SHLD1: variants seen among roughly 807,000 people sequenced by gnomAD.
SHLD1 encodes RINN1-REV7-interacting novel NHEJ regulator 3.
A neutral mutation model predicts 5.5 loss-of-function variants in SHLD1; 3 were observed. The ratio of observed to expected loss-of-function variants is 0.54; its 90% CI spans 0.25 to 1.40. The LOEUF (loss-of-function observed/expected upper bound fraction) is 1.40, where lower values mean the gene tolerates loss of function less well. Among genes scored for constraint, SHLD1 ranks in the 40% most tolerant of loss-of-function variants. The probability of loss-of-function intolerance (pLI) is 0.15; values close to 1 mark genes in which losing one functional copy is unlikely to be tolerated. For synonymous variants in SHLD1, 92 were observed against 94.3 expected, an observed-to-expected ratio of 0.98 and a Z score of 0.14; for missense variants, 210 against 244.4, an observed-to-expected ratio of 0.86 and a Z score of 0.94.
intron 2 of SHLD1, among the ~76,000 whole-genome samples, chr20:5,845,211 G>T (rs563078693): frequency 1.3e-5 from 2 of 152,164 alleles, no homozygotes; most frequent in Admixed American, 6.5e-5. Context: ...TGTTACTAAG[G>T]TACTAATTAT....
At chr20:5,822,337 T>TA in intron 2 of SHLD1, among the ~76,000 whole-genome samples, 1 of 152,194 alleles carries the variant, frequency 6.6e-6, no homozygotes, top group Non-Finnish European at 1.5e-5. Flanking sequence ...CGGGTGCCTG[T>TA]AGTGCCAGCT....
chr20:5,844,789 A>ATTTTTTTTT (rs1568528971), intron 2 of SHLD1, among the ~76,000 whole-genome samples: 3 of 100,238 alleles, frequency 3.0e-5, no homozygotes, highest in East Asian at 3.5e-4. Flanking sequence ...ATATATATAT[A>ATTTTTTTTT]TATATATATA....
intron 2 of SHLD1, among the ~76,000 whole-genome samples, chr20:5,846,716 C>G (rs769231910): frequency 6.6e-6 from 1 of 152,196 alleles, no homozygotes; most frequent in Non-Finnish European, 1.5e-5. Flanking sequence ...GTTCCCCACA[C>G]GTGGACGGGA....
At chr20:5,844,785 A>T (rs1218513970) in intron 2 of SHLD1, among the ~76,000 whole-genome samples, 21 of 102,382 alleles carry the variant, frequency 2.1e-4, no homozygotes, top group East Asian at 1.5e-3. Flanking sequence ...ATATATATAT[A>T]TATATATATA....
At chr20:5,753,347 G>T (rs526483) in intron 1 of SHLD1, among the ~76,000 whole-genome samples, 33,590 of 151,976 alleles carry the variant, frequency 0.22, 4,184 homozygotes, top group South Asian at 0.34. Flanking sequence ...TTGCCGTGTG[G>T]CCCAGGCTGG....
intron 2 of SHLD1, among the ~76,000 whole-genome samples, chr20:5,850,537 G>A (rs1285224340): frequency 6.8e-6 from 1 of 146,598 alleles, no homozygotes; most frequent in Non-Finnish European, 1.5e-5. Context: ...TTGAGATGGA[G>A]TCTTGCTCTG....
chr20:5,776,467 AC>A (rs1985432992), intron 2 of SHLD1, among the ~76,000 whole-genome samples: 1 of 151,728 alleles, frequency 6.6e-6, no homozygotes, highest in African/African-American at 2.4e-5. Flanking sequence ...CACCCTCAAA[AC>A]TTAATTACCT....
At chr20:5,857,326 A>T (rs1286881184) in intron 2 of SHLD1, among the ~76,000 whole-genome samples, 1 of 152,092 alleles carries the variant, frequency 6.6e-6, no homozygotes, top group Non-Finnish European at 1.5e-5. Context: ...ACCCATGACT[A>T]TTTTTAGAGC....
chr20:5,856,988 T>TTTTG (rs558452830), intron 2 of SHLD1, among the ~76,000 whole-genome samples: 35 of 151,604 alleles, frequency 2.3e-4, no homozygotes, highest in Admixed American at 6.5e-5. Flanking sequence ...TTTTGTTTTG[T>TTTTG]TTTGTTTTGT....
At chr20:5,782,184 T>C (rs1446168670) in intron 2 of SHLD1, among the ~76,000 whole-genome samples, 1 of 152,176 alleles carries the variant, frequency 6.6e-6, no homozygotes, top group Non-Finnish European at 1.5e-5. Context: ...GTCTGTTAGA[T>C]ACTTGTTTTC....
chr20:5,841,401 G>T (rs761254997), intron 2 of SHLD1, among the ~76,000 whole-genome samples: 1 of 152,070 alleles, frequency 6.6e-6, no homozygotes, highest in Non-Finnish European at 1.5e-5. Flanking sequence ...TGTTTTGGGG[G>T]CCCCATTAGG....
chr20:5,834,314 A>C (rs760941987), intron 2 of SHLD1, among the ~76,000 whole-genome samples: 3 of 152,120 alleles, frequency 2.0e-5, no homozygotes, highest in Non-Finnish European at 4.4e-5. Context: ...TTCCAAGTTA[A>C]TTTTTTTGAA....
At chr20:5,829,278 A>T (rs1022567457) in intron 2 of SHLD1, among the ~76,000 whole-genome samples, 7 of 152,348 alleles carry the variant, frequency 4.6e-5, no homozygotes, top group Admixed American at 4.6e-4. Context: ...AGAAAGTAGC[A>T]ACATAGCCTA....
chr20:5,781,570 T>C (rs1030960595), intron 2 of SHLD1, among the ~76,000 whole-genome samples: 18 of 152,216 alleles, frequency 1.2e-4, no homozygotes, highest in African/African-American at 4.1e-4. Flanking sequence ...CTCCGCCTCC[T>C]GGGTTCAAGC....
chr20:5,836,863 T>C (rs1238512411), intron 2 of SHLD1, among the ~76,000 whole-genome samples: 1 of 152,032 alleles, frequency 6.6e-6, no homozygotes, highest in Non-Finnish European at 1.5e-5. Flanking sequence ...AAATCCCCTA[T>C]TACAAAATAT....
At chr20:5,755,010 C>T (rs905747542) in intron 1 of SHLD1, among the ~76,000 whole-genome samples, 15 of 150,990 alleles carry the variant, frequency 9.9e-5, no homozygotes, top group South Asian at 2.1e-4. Context: ...GAGCCGAGAT[C>T]GTGCCATTGC....
chr20:5,849,898 G>A (rs1183922461), intron 2 of SHLD1, among the ~76,000 whole-genome samples: 1 of 146,922 alleles, frequency 6.8e-6, no homozygotes, highest in Non-Finnish European at 1.5e-5. Flanking sequence ...AGCGGAGCTT[G>A]CAGTGAGCCG....
chr20:5,803,140 C>G (rs1319728195), intron 2 of SHLD1, among the ~76,000 whole-genome samples: 1 of 152,050 alleles, frequency 6.6e-6, no homozygotes, highest in African/African-American at 2.4e-5. Flanking sequence ...TGTTCTTCAC[C>G]TTATTTGATT....
intron 2 of SHLD1, among the ~76,000 whole-genome samples, chr20:5,828,878 T>C (rs2087696256): frequency 6.6e-6 from 1 of 151,194 alleles, no homozygotes; most frequent in African/African-American, 2.5e-5. Flanking sequence ...ATTATTGTCA[T>C]TATTATTATT....
Sources: gnomAD v4.1 joint callset for allele counts (sites outside exome capture counted in the v4.1 genomes callset) on GRCh38, gnomAD v4.1.1 for gene constraint, MANE v1.5 for transcripts, NCBI Gene and HGNC (gene_info 2026-07-23, HGNC 2026-07-21) for gene names.